The following GLB1 variants were observed in gnomAD, a reference collection of about 807,000 sequenced individuals.
GLB1 encodes beta-galactosidase.
In GLB1, 56 loss-of-function variants were observed where a neutral mutation model predicts 74.0. The ratio of observed to expected loss-of-function variants is 0.76; its 90% CI spans 0.61 to 0.94. The LOEUF (loss-of-function observed/expected upper bound fraction) is 0.94, where lower values mean the gene tolerates loss of function less well. Ranked by LOEUF, GLB1 falls within the 40% of genes least tolerant of loss-of-function variation. GLB1 has a pLI of 0.00. For synonymous variants in GLB1, 323 were observed against 323.6 expected (o/e 1.00, Z 0.02); for missense variants, 787 against 845.5 (o/e 0.93, Z 0.86).
At chr3:32,982,185 T>G in the GLB1 span, among the ~76,000 whole-genome samples, 1 of 151,920 alleles carries the variant, frequency 6.6e-6, no homozygotes, top group Non-Finnish European at 1.5e-5. Context: ...TGGTGGCGCA[T>G]GCCTGTAATC....
At chr3:33,085,854 T>C (rs1700485373) in intron 1 of GLB1, among the ~76,000 whole-genome samples, 1 of 151,306 alleles carries the variant, frequency 6.6e-6, no homozygotes. Context: ...TGAGGACTGC[T>C]TGAGGCCAGG....
chr3:33,041,807 G>A (rs9838286), intron 10 of GLB1, among the ~76,000 whole-genome samples: 141,811 of 152,148 alleles, frequency 0.93, 66,907 homozygotes, highest in East Asian at 1. Context: ...AGAAGCAATA[G>A]AAGATAAAGA....
chr3:33,016,322 T>C (rs1697233776), intron 14 of GLB1, among the ~76,000 whole-genome samples: 1 of 152,202 alleles, frequency 6.6e-6, no homozygotes, highest in Non-Finnish European at 1.5e-5. Context: ...AACTTTCTCA[T>C]CACCTACAGA....
intron 15 of GLB1, among the ~76,000 whole-genome samples, chr3:33,002,531 G>A (rs1360136329): frequency 2.0e-5 from 3 of 152,014 alleles, no homozygotes; most frequent in Non-Finnish European, 2.9e-5. Context: ...ATCGGGGGGA[G>A]GTATGCACGT....
At chr3:33,065,220 A>G (rs1307268128) in intron 5 of GLB1, among the ~76,000 whole-genome samples, 1 of 152,188 alleles carries the variant, frequency 6.6e-6, no homozygotes, top group Non-Finnish European at 1.5e-5. Flanking sequence ...CACTGAAAAA[A>G]GAAGGTGGTT....
At chr3:32,974,435 A>G in the GLB1 span, among the ~76,000 whole-genome samples, 2 of 152,182 alleles carry the variant, frequency 1.3e-5, no homozygotes, top group South Asian at 4.2e-4. Flanking sequence ...CCACATCTAT[A>G]TCTATATCAT....
At chr3:33,046,089 C>T in intron 10 of GLB1, 31 bp downstream of exon 10, 1 of 1,608,532 alleles carries the variant, frequency 6.2e-7, no homozygotes. Flanking sequence ...TGTCCAAGAT[C>T]AGCCCACCAC....
At position 33,093,692 on chromosome 3, in the gene GLB1, C is replaced by A. The variant is rs780412302; in HGVS notation, c.75+3319G>T. On this transcript the variant is annotated intron_variant, in intron 1 of 15. Transcript: ENST00000307363. This position sits in a 1 kb window ranked among gnomAD's most constrained non-coding sequence, Gnocchi z 6.0. The stretch of plus-strand genomic sequence containing the variant: ...TGAGCACAGCAGTCACTCCCACTGC[C>A]AGGGCAGGCCTGAGCACGAGCTTCC... 3 of 1,614,178 alleles carry A rather than the reference C, an allele frequency of 1.9e-6. No individual in the cohort carries two copies. The highest frequency in any genetic ancestry group is 3.3e-5 in the Admixed American group (2 of 60,030).
At chr3:33,095,783 T>C (rs1237194458) in intron 1 of GLB1, among the ~76,000 whole-genome samples, 1 of 152,300 alleles carries the variant, frequency 6.6e-6, no homozygotes, top group East Asian at 1.9e-4. Context: ...ACTGTTCTCC[T>C]GAACTGTGCC....
intron 10 of GLB1, among the ~76,000 whole-genome samples, chr3:33,037,610 A>T (rs1460165360): frequency 6.6e-6 from 1 of 152,138 alleles, no homozygotes; most frequent in Non-Finnish European, 1.5e-5. Flanking sequence ...CTCATGTCAC[A>T]CTCTCTGTAA....
In GLB1 at chr3:33,072,500, T is replaced by G. The variant is rs190936792; in HGVS notation, c.245+44A>C. The G allele has an allele frequency of 3.3e-3, 5,389 of 1,611,584 alleles. 19 individuals carry two copies. The highest frequency in any genetic ancestry group is 0.018 in the Admixed American group (1,093 of 59,940). The stretch of plus-strand genomic sequence containing the variant: ...ATACAGTTGTATCTTCTCTCCAGAG[T>G]GGGTGTTCAGGCCTAGGTGAGAGCC... On this transcript the variant is annotated intron_variant, in intron 2 of 15. Transcript: ENST00000307363.
At position 33,018,482 on chromosome 3, in the gene GLB1, C is replaced by T. The variant is rs72555367; in HGVS notation, c.1313G>A (p.Gly438Glu). 6.2e-7 allele frequency: 1 copy of T among 1,613,960 alleles called. No homozygotes were observed. The highest frequency in any genetic ancestry group is 8.5e-7 in the Non-Finnish European group (1 of 1,180,008). The change falls in exon 13 of 16, where the codon GGA (glycine) becomes GAA (glutamate). Residue 438 changes from glycine (G) to glutamate (E), a missense_variant. Transcript: ENST00000307363. ...NPAPLSSPLN[G>E]VHDRAYVAVD... ...AGCAACATATGCTCGATCGTGGACT[C>T]CATTGAGGGGTGAAGAGAGAGGTGC...
chr3:32,978,435 A>C, the GLB1 span, among the ~76,000 whole-genome samples: 1 of 152,228 alleles, frequency 6.6e-6, no homozygotes, highest in Non-Finnish European at 1.5e-5. Flanking sequence ...GAGGGAGAGA[A>C]GCTCTTACAT....
At chr3:33,009,462 C>T (rs761421446) in intron 15 of GLB1, among the ~76,000 whole-genome samples, 3 of 152,038 alleles carry the variant, frequency 2.0e-5, no homozygotes, top group Non-Finnish European at 4.4e-5. Context: ...GCGGAGGTTG[C>T]AGTGAGCCGA....
chr3:33,018,668 T>TG, intron 12 of GLB1, 107 bp from the exon 13 acceptor site: 2 of 1,235,346 alleles, frequency 1.6e-6, no homozygotes, highest in Non-Finnish European at 2.3e-6. Flanking sequence ...CCATAAGGAA[T>TG]GAAAATCTTC....
In GLB1 at chr3:33,052,058, C is replaced by T. The variant is rs561909178; in HGVS notation, c.793-54G>A. Reference sequence around the variant, plus strand: ...GGATAGACTTATGACCTTCCAATGCCAGGGCTTCCCTGCAATGCCCCATCT... The same window carrying T: ...GGATAGACTTATGACCTTCCAATGCTAGGGCTTCCCTGCAATGCCCCATCT... On this transcript the variant is annotated intron_variant, in intron 7 of 15. Coordinates refer to ENST00000307363, the MANE Select transcript of GLB1 (RefSeq NM_000404.4). The T allele has an allele frequency of 6.4e-5, 103 of 1,605,858 alleles. 1 individual carries two copies. The African/African-American group carries it at 1.2e-3, about 19-fold the overall frequency.
At chr3:32,986,594 C>CTT in the GLB1 span, among the ~76,000 whole-genome samples, 8 of 142,388 alleles carry the variant, frequency 5.6e-5, no homozygotes, top group Non-Finnish European at 7.6e-5. Context: ...GACTGTTTCT[C>CTT]TTTTTTTTTT....
chr3:33,068,664 G>A (rs1397112672), intron 3 of GLB1, among the ~76,000 whole-genome samples, 156 bp downstream of exon 3: 1 of 150,838 alleles, frequency 6.6e-6, no homozygotes, highest in Non-Finnish European at 1.5e-5. Flanking sequence ...CTGTTTCTCT[G>A]CCTGGGCACC....
chr3:33,027,586 C>G (rs982997329), intron 10 of GLB1, among the ~76,000 whole-genome samples: 5 of 152,162 alleles, frequency 3.3e-5, no homozygotes, highest in African/African-American at 1.2e-4. Flanking sequence ...AGTTCAAGAC[C>G]AGCCTGGCCA....
Sources: allele counts gnomAD v4.1 joint callset (sites outside exome capture counted in the v4.1 genomes callset), GRCh38; gene constraint gnomAD v4.1.1; non-coding constraint Gnocchi (gnomAD v3.1); transcripts MANE v1.5; gene names NCBI Gene and HGNC (gene_info 2026-07-23, HGNC 2026-07-21).